The following PSEN2 variants were observed in gnomAD, a reference collection of about 807,000 sequenced individuals.
PSEN2 encodes presenilin-2.
In PSEN2, 32 loss-of-function variants were observed where a neutral mutation model predicts 49.1. The ratio of observed to expected loss-of-function variants is 0.65; its 90% CI spans 0.49 to 0.88. The LOEUF (loss-of-function observed/expected upper bound fraction) is 0.88. Among genes scored for constraint, PSEN2 ranks in the 40% least tolerant of loss-of-function variants. The pLI, the probability that PSEN2 is intolerant of heterozygous loss-of-function variation, is 0.00. For missense variants in PSEN2, 522 were observed against 586.9 expected (o/e 0.89, Z 1.14); for synonymous variants, 255 against 244.0 (o/e 1.05, Z -0.42).
At chr1:226,901,676 G>T (rs1011512280), downstream of PSEN2, among the ~76,000 whole-genome samples, 2 of 152,146 alleles carry the variant, frequency 1.3e-5, no homozygotes, top group African/African-American at 4.8e-5. Flanking sequence ...CTGTTCATGT[G>T]CTTACTGGTC....
intron 4 of PSEN2, 41 bp from the exon 5 acceptor site, chr1:226,883,664 T>A (rs1189475645): frequency 1.3e-6 from 2 of 1,587,386 alleles, no homozygotes; most frequent in Middle Eastern, 2.0e-4. Context: ...TAGGCTGCCG[T>A]GGGGGACATT....
intron 12 of PSEN2, among the ~76,000 whole-genome samples, chr1:226,894,385 A>G (rs1288765926): frequency 1.3e-5 from 2 of 152,234 alleles, no homozygotes; most frequent in Non-Finnish European, 1.5e-5. Context: ...GTGGCTGAGC[A>G]CACAGCCTCC....
At position 226,885,493 on chromosome 1, in the gene PSEN2, G is replaced by C. The variant is rs753188472; in HGVS notation, c.357-45G>C. 9 of 1,607,756 alleles carry C rather than the reference G, an allele frequency of 5.6e-6. No individual in the cohort carries two copies. The East Asian group carries it at 2.0e-4, about 36-fold the overall frequency. On this transcript the variant is annotated intron_variant, in intron 5 of 12. Coordinates refer to ENST00000366783, the MANE Select transcript of PSEN2 (RefSeq NM_000447.3). ...ATCACTCAAGGTGGGGAGCCTCGAGGAGCAGTCAGGGCCGGGAGCATCAGC... is the reference window on the plus strand; with the variant it reads ...ATCACTCAAGGTGGGGAGCCTCGAGCAGCAGTCAGGGCCGGGAGCATCAGC...
At chr1:226,872,249 T>C (rs1205139362) in intron 2 of PSEN2, among the ~76,000 whole-genome samples, 1 of 152,240 alleles carries the variant, frequency 6.6e-6, no homozygotes, top group Non-Finnish European at 1.5e-5. Flanking sequence ...CTTTGGCCTT[T>C]CTCTGTTATC....
In PSEN2 at chr1:226,895,886, C is replaced by T. The variant is rs1662119709; in HGVS notation, c.*307C>T. 3 of 464,098 alleles carry T rather than the reference C, an allele frequency of 6.5e-6. No homozygotes were observed. The highest frequency in any genetic ancestry group is 1.2e-5 in the Non-Finnish European group (3 of 252,052). 28.7% of individuals were successfully genotyped at this position (464,098 alleles called of 1,614,324 possible). A position where few individuals can be genotyped will look rare whatever the true frequency, so the allele number is the denominator to read the frequency against. On this transcript the variant is annotated 3_prime_UTR_variant, in exon 13 of 13. Coordinates refer to ENST00000366783, the MANE Select transcript of PSEN2 (RefSeq NM_000447.3). ...CATCCGGCATGAGGGCTGAGATGCG[C>T]AAAGAGTGTGCTCGGGAGTGGCCCC...
At chr1:226,895,398 C>T (rs1406070913) in intron 12 of PSEN2, 26 bp from the exon 13 acceptor site, 3 of 1,613,692 alleles carry the variant, frequency 1.9e-6, no homozygotes, top group East Asian at 2.2e-5. Flanking sequence ...GATCACCACG[C>T]TCACCCTCCC....
chr1:226,874,954 G>A (rs765476906), intron 2 of PSEN2, among the ~76,000 whole-genome samples: 21 of 152,122 alleles, frequency 1.4e-4, no homozygotes, highest in Non-Finnish European at 2.5e-4. Context: ...GGCGTGCTAG[G>A]GGCTCCCTCT....
chr1:226,872,559 A>G (rs1660371097), intron 2 of PSEN2, among the ~76,000 whole-genome samples: 1 of 152,182 alleles, frequency 6.6e-6, no homozygotes, highest in Non-Finnish European at 1.5e-5. Flanking sequence ...CTGCTGGGAA[A>G]GTTTTGTGGA....
chr1:226,888,306 C>T (rs763924974), intron 7 of PSEN2, 148 bp downstream of exon 7: 65 of 728,014 alleles, frequency 8.9e-5, no homozygotes, highest in Non-Finnish European at 1.2e-4. Context: ...AGGCCTCCGT[C>T]GCCCTCTCTC....
chr1:226,901,532 G>A (rs1412873667), downstream of PSEN2, among the ~76,000 whole-genome samples: 13 of 151,538 alleles, frequency 8.6e-5, no homozygotes, highest in Admixed American at 8.5e-4. Context: ...GACCAATCTA[G>A]GCAACATGGC....
In PSEN2 at chr1:226,889,281, C is replaced by CT. The variant is rs58663378; in HGVS notation, c.787+245dup. On this transcript the variant is annotated intron_variant, in intron 8 of 12. Transcript: ENST00000366783. ...CAGTAGTCACTGAGCTCCTCATTTA[C>CT]TTTTTTTTTTTTTGAGATGGAGTCT... Among the ~76,000 whole-genome samples, 1,298 of 145,814 alleles carry CT rather than the reference C, an allele frequency of 8.9e-3. 11 individuals are homozygous for CT. The highest frequency in any genetic ancestry group is 0.012 in the Admixed American group (179 of 14,570).
At position 226,880,525 on chromosome 1, in the gene PSEN2, C is replaced by T. The variant is rs201672346; in HGVS notation, c.-20-1363C>T. 1.2e-5 allele frequency: 19 copies of T among 1,550,588 alleles called. No homozygotes were observed. The East Asian group carries it at 3.7e-4, about 31-fold the overall frequency. ...CAGCGATCACTCAGCCTCTGGACAG[C>T]GATCACTCAGCCTCTGGACAGACAG... On this transcript the variant is annotated intron_variant, in intron 3 of 12. Coordinates refer to ENST00000366783, the MANE Select transcript of PSEN2 (RefSeq NM_000447.3).
At position 226,889,048 on chromosome 1, in the gene PSEN2, T is replaced by A; in HGVS notation, c.786T>A (p.Tyr262Ter). The change falls in exon 8 of 13, where the codon TAT (tyrosine) becomes TAA (stop). Residue 262 changes from tyrosine (Y) to a stop codon, truncating the protein, a stop_gained and splice_region_variant. Coordinates refer to ENST00000366783, the MANE Select transcript of PSEN2 (RefSeq NM_000447.3). LOFTEE classifies it high-confidence loss of function. ...AWVILGAISVYDLVAVLCPKG... is the reference protein window; with the variant it reads ...AWVILGAISV ...TCATCCTGGGCGCCATCTCTGTGTA[T>A]GGTAGGTGGGCAGCAAGGCTGGTGG... The A allele has an allele frequency of 6.2e-7, 1 of 1,612,918 alleles. No individual in the cohort carries two copies. The highest frequency in any genetic ancestry group is 8.5e-7 in the Non-Finnish European group (1 of 1,179,436).
chr1:226,882,345 G>A (rs564485432), intron 4 of PSEN2, among the ~76,000 whole-genome samples: 2 of 152,334 alleles, frequency 1.3e-5, no homozygotes, highest in East Asian at 3.9e-4. Flanking sequence ...AGGAGAGTTT[G>A]TTTGGATGCC....
chr1:226,872,488 A>C (rs779672522), intron 2 of PSEN2, among the ~76,000 whole-genome samples: 36 of 152,194 alleles, frequency 2.4e-4, no homozygotes, highest in Non-Finnish European at 3.5e-4. Flanking sequence ...CACTGTCTTT[A>C]TCTCTTGAGT....
chr1:226,903,027 C>T (rs1170161233), intron 12 of PSEN2, among the ~76,000 whole-genome samples: 4 of 146,852 alleles, frequency 2.7e-5, no homozygotes, highest in African/African-American at 1.1e-4. Context: ...TGCAACCTTT[C>T]TATAGGCTTG....
chr1:226,902,934 C>T (rs1369903837), intron 12 of PSEN2, among the ~76,000 whole-genome samples: 1 of 152,046 alleles, frequency 6.6e-6, no homozygotes, highest in Admixed American at 6.5e-5. Flanking sequence ...GGAACAGAAA[C>T]CTGAGAGGCT....
chr1:226,903,595 C>T (rs541419058), intron 12 of PSEN2: 1 of 152,240 alleles, frequency 6.6e-6, no homozygotes, highest in East Asian at 1.9e-4. Context: ...TCCTGCTGCC[C>T]TTCCATTCCA....
At chr1:226,886,124 T>C (rs909697414) in intron 6 of PSEN2, among the ~76,000 whole-genome samples, 1 of 151,080 alleles carries the variant, frequency 6.6e-6, no homozygotes, top group Non-Finnish European at 1.5e-5. Flanking sequence ...CACCTTGGCC[T>C]CCCAAAGTTC....
Sources: gnomAD v4.1 joint callset for allele counts (sites outside exome capture counted in the v4.1 genomes callset) on GRCh38, gnomAD v4.1.1 for gene constraint, MANE v1.5 for transcripts, NCBI Gene and HGNC (gene_info 2026-07-23, HGNC 2026-07-21) for gene names.